The following BFAR variants were observed in gnomAD, a reference collection of about 807,000 sequenced individuals.
BFAR encodes bifunctional apoptosis regulator, also known as RING finger protein 47.
Under a neutral mutation model 54.4 loss-of-function variants are expected in BFAR, and 52 were observed. The ratio of observed to expected loss-of-function variants is 0.96; its 90% CI spans 0.77 to 1.21. The LOEUF (loss-of-function observed/expected upper bound fraction) is 1.21. Among genes scored for constraint, BFAR ranks in the 50% most tolerant of loss-of-function variants. BFAR has a pLI of 0.00. For missense variants in BFAR, 571 were observed against 534.0 expected, an observed-to-expected ratio of 1.07 and a Z score of -0.68; for synonymous variants, 215 against 204.3, an observed-to-expected ratio of 1.05 and a Z score of -0.45.
intron 1 of BFAR, among the ~76,000 whole-genome samples, chr16:14,637,007 AG>A (rs751250825): frequency 5.9e-5 from 9 of 152,234 alleles, no homozygotes; most frequent in Non-Finnish European, 1.0e-4. Context: ...ATCTCAAGGC[AG>A]AAGAATTTTT....
intron 1 of BFAR, among the ~76,000 whole-genome samples, chr16:14,643,305 G>A (rs928747500): frequency 2.0e-5 from 3 of 149,876 alleles, no homozygotes; most frequent in East Asian, 2.0e-4. Flanking sequence ...GTGAGACTTC[G>A]TCTCAAAAAA....
chr16:14,659,750 C>T (rs1030831517), intron 5 of BFAR, among the ~76,000 whole-genome samples: 8 of 151,810 alleles, frequency 5.3e-5, no homozygotes, highest in Middle Eastern at 3.4e-3. Flanking sequence ...CGGGATTTCA[C>T]CGTTTTAGCC....
At chr16:14,652,147 A>G (rs1959987680) in intron 4 of BFAR, among the ~76,000 whole-genome samples, 1 of 151,862 alleles carries the variant, frequency 6.6e-6, no homozygotes, top group South Asian at 2.1e-4. Context: ...TGGCCTCCCA[A>G]AGTGCTGGAA....
chr16:14,650,507 C>T (rs1343748270), intron 4 of BFAR: 1 of 152,248 alleles, frequency 6.6e-6, no homozygotes, highest in Non-Finnish European at 1.5e-5. Flanking sequence ...TCCCCAACCC[C>T]CAGCCCCTGG....
At position 14,655,131 on chromosome 16, in the gene BFAR, A is replaced by T; in HGVS notation, c.704A>T (p.His235Leu). 1.9e-6 allele frequency: 3 copies of T among 1,612,648 alleles called. No individual in the cohort carries two copies. Among genetic ancestry groups the T allele is most frequent in the Non-Finnish European group, 2.5e-6 (3 of 1,179,402 alleles). The change falls in exon 5 of 8, where the codon CAC becomes CTC. Residue 235 changes from histidine to leucine, a missense_variant. Transcript: ENST00000261658. ...CCCTATACCATAGAAAACAGCAGCC[A>T]CAGGAGAGCCATCCTCATGGAGCTA... ...KTPYTIENSS[H>L]RRAILMELER...
rs186415997 is a variant in BFAR at position 14,633,984 on chromosome 16, G to T, written c.-74+966G>T. Among the ~76,000 whole-genome samples the T allele has an allele frequency of 4.1e-3, 618 of 152,298 alleles. 6 individuals are homozygous for T. The highest frequency in any genetic ancestry group is 4.6e-3 in the Non-Finnish European group (310 of 68,024). ...TGTCTTTTATTAAAAAAGCCGGCGG[G>T]AGGGGGCGACAGATGAGAGTCAGGT... On this transcript the variant is annotated intron_variant, in intron 1 of 7. Coordinates refer to ENST00000261658, the MANE Select transcript of BFAR (RefSeq NM_016561.3).
intron 5 of BFAR, among the ~76,000 whole-genome samples, chr16:14,657,871 T>G (rs1396271884): frequency 6.6e-6 from 1 of 152,200 alleles, no homozygotes; most frequent in East Asian, 1.9e-4. Context: ...TAGGTAAATA[T>G]TTCAGCATTA....
At chr16:14,661,393 T>C (rs1040561074) in intron 5 of BFAR, among the ~76,000 whole-genome samples, 14 of 59,810 alleles carry the variant, frequency 2.3e-4, no homozygotes, top group African/African-American at 6.8e-4. Flanking sequence ...AGATTGGATC[T>C]TTTTTTTTTT....
intron 1 of BFAR, among the ~76,000 whole-genome samples, chr16:14,639,650 C>A (rs1023850576): frequency 6.6e-6 from 1 of 152,178 alleles, no homozygotes; most frequent in Non-Finnish European, 1.5e-5. Flanking sequence ...TTACATGCAT[C>A]ATTGGGAGAT....
chr16:14,642,311 T>TG (rs1596968751), intron 1 of BFAR, among the ~76,000 whole-genome samples: 1 of 152,208 alleles, frequency 6.6e-6, no homozygotes, highest in South Asian at 2.1e-4. Context: ...GAAATCTTGA[T>TG]GGTTTGTGTA....
chr16:14,649,155 C>T (rs914620209), intron 3 of BFAR, among the ~76,000 whole-genome samples: 1 of 150,654 alleles, frequency 6.6e-6, no homozygotes, highest in African/African-American at 2.5e-5. Flanking sequence ...GGCTCACTGC[C>T]ACCTCCACCT....
intron 1 of BFAR, among the ~76,000 whole-genome samples, chr16:14,635,241 A>G (rs1190860604): frequency 1.3e-5 from 2 of 152,174 alleles, no homozygotes; most frequent in Admixed American, 6.6e-5. Flanking sequence ...AGGCTGAGAA[A>G]CAAGAATCGC....
rs905968989 is a variant in BFAR at position 14,641,168 on chromosome 16, G to A, written c.-73-3106G>A. Among the ~76,000 whole-genome samples, 13 of 152,316 alleles carry A rather than the reference G, an allele frequency of 8.5e-5. No individual in the cohort carries two copies. In the East Asian group the frequency reaches 1.7e-3, roughly 20 times the overall value. ...ACTAAACTTGGTAAATAACAGTTATGATTTCCTAAACACAAGTGTATCCAT... is the reference window on the plus strand; with the variant it reads ...ACTAAACTTGGTAAATAACAGTTATAATTTCCTAAACACAAGTGTATCCAT... On this transcript the variant is annotated intron_variant, in intron 1 of 7. Coordinates refer to ENST00000261658, the MANE Select transcript of BFAR (RefSeq NM_016561.3).
chr16:14,665,264 C>A, intron 7 of BFAR, 193 bp downstream of exon 7: 2 of 563,526 alleles, frequency 3.5e-6, no homozygotes, highest in Non-Finnish European at 6.2e-6. Flanking sequence ...GGTTGTGGTG[C>A]TCATTGTTAA....
At chr16:14,657,933 G>C (rs1260555570) in intron 5 of BFAR, among the ~76,000 whole-genome samples, 1 of 152,078 alleles carries the variant, frequency 6.6e-6, no homozygotes, top group Non-Finnish European at 1.5e-5. Flanking sequence ...ATGTTGCCCA[G>C]GCTGGTCTCA....
chr16:14,639,851 G>A (rs182502524), intron 1 of BFAR, among the ~76,000 whole-genome samples: 5 of 152,286 alleles, frequency 3.3e-5, no homozygotes, highest in African/African-American at 7.2e-5. Flanking sequence ...ACGACCTGAC[G>A]TGAAATCAAG....
chr16:14,663,738 A>G (rs910563952), intron 6 of BFAR, among the ~76,000 whole-genome samples: 5 of 151,988 alleles, frequency 3.3e-5, no homozygotes, highest in African/African-American at 1.2e-4. Flanking sequence ...AGTGTTTGTA[A>G]TTTTCCCAGA....
At chr16:14,658,956 G>A (rs763118322) in intron 5 of BFAR, among the ~76,000 whole-genome samples, 7 of 151,326 alleles carry the variant, frequency 4.6e-5, no homozygotes, top group Non-Finnish European at 7.4e-5. Flanking sequence ...CATCCAGGCT[G>A]GAGTGCAATG....
chr16:14,663,160 T>C (rs2151844733), intron 6 of BFAR, among the ~76,000 whole-genome samples: 1 of 152,324 alleles, frequency 6.6e-6, no homozygotes, highest in Middle Eastern at 3.4e-3. Context: ...CTTTTAGTTT[T>C]TACTTCTTTC....
Sources: gnomAD v4.1 joint callset for allele counts (sites outside exome capture counted in the v4.1 genomes callset) on GRCh38, gnomAD v4.1.1 for gene constraint, MANE v1.5 for transcripts, NCBI Gene and HGNC (gene_info 2026-07-23, HGNC 2026-07-21) for gene names.